Variants in ITSN1 observed in about 807,000 individuals in gnomAD.
The protein encoded by ITSN1 is intersectin 1.
ITSN1 carries 58 observed loss-of-function variants against 239.8 expected under a neutral mutation model. The ratio of observed to expected loss-of-function variants is 0.24; its 90% CI spans 0.20 to 0.30. The LOEUF is 0.30. ITSN1 is among the 10% of genes least tolerant of loss of function. ITSN1 has a pLI of 1.00. For synonymous variants in ITSN1, 780 were observed against 770.8 expected (o/e 1.01, Z -0.20); for missense variants, 1,558 against 2,103.3 (o/e 0.74, Z 5.07).
chr21:33,753,793 T>C (rs1228815098), intron 7 of ITSN1, among the ~76,000 whole-genome samples: 4 of 120,810 alleles, frequency 3.3e-5, no homozygotes, highest in East Asian at 2.7e-4. Flanking sequence ...AAAAAAATTC[T>C]CCTATACCAT....
At chr21:33,657,588 A>T (rs2089199259) in intron 1 of ITSN1, among the ~76,000 whole-genome samples, 1 of 152,138 alleles carries the variant, frequency 6.6e-6, no homozygotes, top group African/African-American at 2.4e-5. Flanking sequence ...TCGTGTAATG[A>T]TGATGTTCTG....
rs555961008 is a variant in ITSN1, at chr21:33,892,730, G to C, written c.*4430G>C. 6.6e-6 allele frequency: 1 copy of C among 152,240 alleles called. No homozygotes were observed. The highest frequency in any genetic ancestry group is 1.5e-5 in the Non-Finnish European group (1 of 68,060). The allele number at this position is 152,240 out of a possible 1,614,324, so 9.4% of individuals were successfully genotyped here. ...TAGACACTCAGTTCATTTTAGGGAC[G>C]TTCAATGCTTGATCAAATGGGGGGC... On this transcript the variant is annotated 3_prime_UTR_variant, in exon 40 of 40. Transcript: ENST00000381318.
chr21:33,669,775 AC>A lies in ITSN1; in HGVS notation c.-33+27063del, dbSNP rs1601541883. Among the ~76,000 whole-genome samples, 6 of 151,436 alleles carry A rather than the reference AC, an allele frequency of 4.0e-5. No individual in the cohort carries two copies. In the East Asian group the frequency reaches 1.2e-3, roughly 29 times the overall value. ...GTTTTAATATGTTTGTGGGTAGAAAACGTCTTAATTTTTTTTTTTTAATCTC... is the reference window on the plus strand; with the variant it reads ...GTTTTAATATGTTTGTGGGTAGAAAAGTCTTAATTTTTTTTTTTTAATCTC... On this transcript the variant is annotated intron_variant, in intron 1 of 39. Coordinates refer to ENST00000381318, the MANE Select transcript of ITSN1 (RefSeq NM_003024.3).
intron 39 of ITSN1, among the ~76,000 whole-genome samples, chr21:33,886,737 G>C (rs1985861427): frequency 6.6e-6 from 1 of 152,190 alleles, no homozygotes; most frequent in African/African-American, 2.4e-5. Context: ...ACTGTGGAGA[G>C]GGGTGTGTTT....
intron 33 of ITSN1, among the ~76,000 whole-genome samples, chr21:33,869,290 T>G (rs1982291920): frequency 6.6e-6 from 1 of 152,078 alleles, no homozygotes; most frequent in African/African-American, 2.4e-5. Context: ...AGCAAACACA[T>G]CCTTCTTCAC....
intron 1 of ITSN1, among the ~76,000 whole-genome samples, chr21:33,644,662 T>TG (rs2087765782): frequency 6.6e-6 from 1 of 152,198 alleles, no homozygotes; most frequent in East Asian, 1.9e-4. Context: ...GCATTTTTTT[T>TG]TTTTTTTGGC....
At chr21:33,768,672 GATA>G (rs1378557559) in intron 11 of ITSN1, among the ~76,000 whole-genome samples, 1 of 152,146 alleles carries the variant, frequency 6.6e-6, no homozygotes, top group Non-Finnish European at 1.5e-5. Flanking sequence ...ATGATGAGAT[GATA>G]ATGATACTAA....
chr21:33,781,496 A>G lies in ITSN1; in HGVS notation c.1632A>G (p.Glu544=). The G allele has an allele frequency of 6.3e-7, 1 of 1,599,252 alleles. No individual in the cohort carries two copies. Among genetic ancestry groups the G allele is most frequent in the South Asian group, 1.1e-5 (1 of 88,728 alleles). ...SQQMLGRLIP[E]KQILNDQLKQ... ...AAATGCTTGGAAGACTTATTCCAGA[A>G]AAACAGATACTCAATGACCAATTAA... The change falls in exon 15 of 40, where the codon GAA becomes GAG. Residue 544 remains glutamate, a synonymous_variant. Transcript: ENST00000381318.
intron 1 of ITSN1, among the ~76,000 whole-genome samples, chr21:33,688,750 G>A (rs772074413): frequency 2.0e-5 from 3 of 152,042 alleles, no homozygotes; most frequent in Non-Finnish European, 4.4e-5. Flanking sequence ...GGGAGCTTGG[G>A]CAGTGTTCTG....
Position 33,826,735 on chromosome 21 carries a change from G to A in ITSN1, c.3184-83G>A, listed in dbSNP as rs557709707. 7.3e-4 allele frequency: 902 copies of A among 1,238,028 alleles called. 3 individuals carry two copies. Among genetic ancestry groups the A allele is most frequent in the Non-Finnish European group, 9.6e-4 (809 of 842,888 alleles). The allele number at this position is 1,238,028 out of a possible 1,614,324, so 76.7% of individuals were successfully genotyped here. The stretch of plus-strand genomic sequence containing the variant: ...AAAAGTGGGGCTTTGGGGCTCAAGC[G>A]GGTTTGTATCATCATTAATCGTTTT... On this transcript the variant is annotated intron_variant, in intron 25 of 39. Transcript: ENST00000381318.
At chr21:33,805,985 C>T (rs919906753) in intron 20 of ITSN1, among the ~76,000 whole-genome samples, 1 of 141,654 alleles carries the variant, frequency 7.1e-6, no homozygotes, top group Non-Finnish European at 1.5e-5. Context: ...GGGCGGATCA[C>T]AAGGTCAGGA....
intron 29 of ITSN1, 69 bp downstream of exon 29, chr21:33,836,701 T>C: frequency 1.6e-6 from 2 of 1,247,028 alleles, no homozygotes; most frequent in African/African-American, 1.5e-5. Context: ...AGCATTGCTC[T>C]GATTCTGCTG....
At chr21:33,672,422 T>C (rs181606187) in intron 1 of ITSN1, among the ~76,000 whole-genome samples, 1 of 152,144 alleles carries the variant, frequency 6.6e-6, no homozygotes, top group East Asian at 1.9e-4. Flanking sequence ...GAAACCACAA[T>C]GAGGTACCAC....
Position 33,882,279 on chromosome 21 carries a change from C to T in ITSN1, c.4378C>T (p.Pro1460Ser). Residue 1460 changes from proline (P) to serine (S), a missense_variant, in exon 35 of 40, where the codon CCG (proline) becomes TCG (serine). Around this residue, in one of 2 missense-constraint regions of ITSN1, gnomAD observed 576 missense variants for 893.3 expected, o/e 0.64. Coordinates refer to ENST00000381318, the MANE Select transcript of ITSN1 (RefSeq NM_003024.3). This position sits in a 1 kb window ranked among gnomAD's most constrained non-coding sequence, Gnocchi z 4.5. ...CAATTCAGTGACCAATTGCTTGGGG[C>T]CGCGCAAATTTCTGCACAGTGGGAA... ...VFNSVTNCLGPRKFLHSGKLY... is the reference protein window; with the variant it reads ...VFNSVTNCLGSRKFLHSGKLY... 2 of 1,614,142 alleles carry T rather than the reference C, an allele frequency of 1.2e-6. No individual in the cohort carries two copies. Among genetic ancestry groups the T allele is most frequent in the Non-Finnish European group, 1.7e-6 (2 of 1,180,022 alleles).
chr21:33,670,977 G>A (rs993247810), intron 1 of ITSN1, among the ~76,000 whole-genome samples: 1 of 152,218 alleles, frequency 6.6e-6, no homozygotes, highest in African/African-American at 2.4e-5. Flanking sequence ...CTAGCAAATT[G>A]AATGTGTAGT....
chr21:33,834,684 CA>C (rs2074499290), intron 28 of ITSN1, among the ~76,000 whole-genome samples: 1 of 152,012 alleles, frequency 6.6e-6, no homozygotes, highest in Non-Finnish European at 1.5e-5. Flanking sequence ...AATGCTGTGG[CA>C]TTAAGGCCAC....
At chr21:33,829,897 G>A (rs1569268050) in intron 27 of ITSN1, 152 bp downstream of exon 27, 1 of 860,652 alleles carries the variant, frequency 1.2e-6, no homozygotes, top group Non-Finnish European at 1.8e-6. Context: ...TTCTGTGTTT[G>A]TTTGGTTCCT....
intron 39 of ITSN1, among the ~76,000 whole-genome samples, chr21:33,887,154 CA>C (rs1569347441): frequency 6.6e-6 from 1 of 151,458 alleles, no homozygotes; most frequent in African/African-American, 2.4e-5. Flanking sequence ...CTTGTCTCTA[CA>C]AAAAAATACA....
At chr21:33,690,094 G>T (rs997225650) in intron 1 of ITSN1, among the ~76,000 whole-genome samples, 3 of 150,948 alleles carry the variant, frequency 2.0e-5, no homozygotes, top group African/African-American at 7.3e-5. Context: ...GACCAGCCTG[G>T]CCAACATAGT....
Sources: allele counts gnomAD v4.1 joint callset (sites outside exome capture counted in the v4.1 genomes callset), GRCh38; gene constraint gnomAD v4.1.1; regional missense constraint gnomAD v4.1.1; non-coding constraint Gnocchi (gnomAD v3.1); transcripts MANE v1.5; gene names NCBI Gene and HGNC (gene_info 2026-07-23, HGNC 2026-07-21).